Variants in ARMC9 observed in about 807,000 individuals in gnomAD.
ARMC9 encodes the protein lisH domain-containing protein ARMC9.
ARMC9 carries 94 observed loss-of-function variants against 107.0 expected under a neutral mutation model. That is an observed-to-expected ratio of 0.88 (90% CI 0.74 to 1.04). The LOEUF (loss-of-function observed/expected upper bound fraction) is 1.04. Among genes scored for constraint, ARMC9 ranks in the 50% least tolerant of loss-of-function variants. ARMC9 has a pLI of 0.00. For synonymous variants in ARMC9, 380 were observed against 396.9 expected (o/e 0.96, Z 0.51); for missense variants, 942 against 1,030.1 (o/e 0.91, Z 1.17).
At chr2:231,250,750 A>G (rs1349676037) in intron 9 of ARMC9, among the ~76,000 whole-genome samples, 1 of 152,078 alleles carries the variant, frequency 6.6e-6, no homozygotes, top group African/African-American at 2.4e-5. Context: ...CGATTTTTAC[A>G]AAGACCCCTG....
At chr2:231,268,692 G>A (rs994998094) in intron 12 of ARMC9, among the ~76,000 whole-genome samples, 2 of 152,050 alleles carry the variant, frequency 1.3e-5, no homozygotes, top group African/African-American at 4.8e-5. Flanking sequence ...ATAGAATCCT[G>A]GATTGTAAAT....
In ARMC9 at chr2:231,206,190, C is replaced by T; in HGVS notation, c.-41-8C>T. 1 of 1,532,774 alleles carries T rather than the reference C, an allele frequency of 6.5e-7. No individual in the cohort carries two copies. Among genetic ancestry groups the T allele is most frequent in the African/African-American group, 1.4e-5 (1 of 73,120 alleles). 94.9% of individuals were successfully genotyped at this position (1,532,774 alleles called of 1,614,324 possible). ...TGAAAGCTGTTGTCTTGTATTTTTGCCTTCTAGAGATTTTTGCTGTGAGAA... is the reference window on the plus strand; with the variant it reads ...TGAAAGCTGTTGTCTTGTATTTTTGTCTTCTAGAGATTTTTGCTGTGAGAA... On this transcript the variant is annotated splice_polypyrimidine_tract_variant and splice_region_variant and intron_variant, in intron 1 of 24. Coordinates refer to ENST00000611582, the MANE Select transcript of ARMC9 (RefSeq NM_001352754.2).
chr2:231,293,420 TC>T (rs1333833096), intron 18 of ARMC9, among the ~76,000 whole-genome samples: 1 of 152,184 alleles, frequency 6.6e-6, no homozygotes, highest in African/African-American at 2.4e-5. Context: ...CTGAGAATCT[TC>T]TTCAAGGCCA....
At chr2:231,353,871 C>T (rs1489358724) in intron 21 of ARMC9, among the ~76,000 whole-genome samples, 1 of 152,008 alleles carries the variant, frequency 6.6e-6, no homozygotes, top group Non-Finnish European at 1.5e-5. Context: ...GACACCCTGC[C>T]CCCTCCACAC....
intron 1 of ARMC9, 123 bp from the exon 2 acceptor site, chr2:231,206,075 C>A (rs1250834234): frequency 3.0e-6 from 2 of 672,136 alleles, no homozygotes; most frequent in African/African-American, 1.9e-5. Flanking sequence ...CACGTATTCA[C>A]AGGTTCTGGG....
chr2:231,271,014 C>T lies in ARMC9; in HGVS notation c.1152C>T (p.Ser384=), dbSNP rs903191289. The T allele has an allele frequency of 5.0e-6, 8 of 1,614,000 alleles. No individual in the cohort carries two copies. The highest frequency in any genetic ancestry group is 2.7e-5 in the African/African-American group (2 of 74,914). The change falls in exon 13 of 25, where the codon AGC becomes AGT. Residue 384 remains serine, a synonymous_variant. Coordinates refer to ENST00000611582, the MANE Select transcript of ARMC9 (RefSeq NM_001352754.2). ...RSVLQLLHST[S]DVVRQYMARL... is the part of the protein sequence containing the mutation. The stretch of plus-strand genomic sequence containing the variant: ...TGCTTCAGTTGCTGCACTCCACGAG[C>T]GACGTGGTGCGGCAGTACATGGCCA...
At position 231,222,778 on chromosome 2, in the gene ARMC9, A is replaced by C. The variant is rs2034276209; in HGVS notation, c.555A>C (p.Leu185Phe). 1 of 1,596,440 alleles carries C rather than the reference A, an allele frequency of 6.3e-7. No individual in the cohort carries two copies. Among genetic ancestry groups the C allele is most frequent in the Non-Finnish European group, 8.6e-7 (1 of 1,165,646 alleles). Residue 185 changes from leucine to phenylalanine, a missense_variant, in exon 6 of 25, where the codon TTA becomes TTC. By Grantham distance (22) the Leu-to-Phe change is conservative. Transcript: ENST00000611582. ...TGAAGTTGATAAAGTTTCTAGCTTT[A>C]ATATCTAAAGCCAGCAACACGCCAA... Reference protein sequence around the residue: ...LKLKLIKFLALISKASNTPKL... With the variant: ...LKLKLIKFLAFISKASNTPKL...
chr2:231,203,120 C>T (rs1432068050), intron 1 of ARMC9, among the ~76,000 whole-genome samples: 1 of 152,106 alleles, frequency 6.6e-6, no homozygotes, highest in East Asian at 1.9e-4. Context: ...TGTTGACTGT[C>T]GAGCCACCCT....
intron 23 of ARMC9, 87 bp from the exon 24 acceptor site, chr2:231,369,866 T>G: frequency 7.6e-7 from 1 of 1,308,930 alleles, no homozygotes; most frequent in Non-Finnish European, 9.9e-7. Context: ...AGTGCTGGGA[T>G]TATAGGCGGG....
intron 6 of ARMC9, among the ~76,000 whole-genome samples, chr2:231,226,244 G>A (rs1339521278): frequency 1.3e-5 from 2 of 152,302 alleles, no homozygotes; most frequent in Non-Finnish European, 2.9e-5. Context: ...ACAAATTAAG[G>A]GAAAAGAAAC....
At chr2:231,223,852 T>C (rs991696808) in intron 6 of ARMC9, among the ~76,000 whole-genome samples, 4 of 152,240 alleles carry the variant, frequency 2.6e-5, no homozygotes, top group Non-Finnish European at 5.9e-5. Context: ...TTTGCCTACA[T>C]ACCACGATGT....
intron 20 of ARMC9, among the ~76,000 whole-genome samples, chr2:231,343,274 A>G (rs996546204): frequency 6.6e-6 from 1 of 151,550 alleles, no homozygotes; most frequent in Non-Finnish European, 1.5e-5. Context: ...GGGTCCAGTG[A>G]GGCTCACTGA....
intron 7 of ARMC9, among the ~76,000 whole-genome samples, chr2:231,230,874 A>T (rs9973370): frequency 6.6e-6 from 1 of 151,994 alleles, no homozygotes; most frequent in Non-Finnish European, 1.5e-5. Context: ...AATATTTTCA[A>T]CCTGAGGTGG....
chr2:231,306,944 G>T (rs774929337), intron 19 of ARMC9, among the ~76,000 whole-genome samples: 2 of 152,180 alleles, frequency 1.3e-5, no homozygotes, highest in African/African-American at 4.8e-5. Context: ...CCTTAGCACG[G>T]ATGTGGAGCT....
chr2:231,336,268 AT>A (rs1369139786), intron 20 of ARMC9, among the ~76,000 whole-genome samples: 2 of 151,120 alleles, frequency 1.3e-5, no homozygotes, highest in Non-Finnish European at 2.9e-5. Context: ...CAGATCTCAG[AT>A]TAATTCAGTT....
In ARMC9 at chr2:231,358,997, T is replaced by TA. The variant is rs1490974870; in HGVS notation, c.2132-1756dup. On this transcript the variant is annotated intron_variant, in intron 22 of 24. Transcript: ENST00000611582. This position sits in a 1 kb window ranked among gnomAD's most constrained non-coding sequence, Gnocchi z 4.5. Reference sequence around the variant, plus strand: ...CTGAAATGGACCAGCAGGCAAGAGATACTACTGTCCCAGGAAGACCCCGGT... The same window carrying TA: ...CTGAAATGGACCAGCAGGCAAGAGATAACTACTGTCCCAGGAAGACCCCGGT... Among the ~76,000 whole-genome samples the TA allele has an allele frequency of 6.6e-6, 1 of 151,720 alleles. No individual in the cohort carries two copies. The highest frequency in any genetic ancestry group is 2.4e-5 in the African/African-American group (1 of 41,250).
chr2:231,261,216 G>A (rs533750730), intron 11 of ARMC9, among the ~76,000 whole-genome samples: 2 of 152,244 alleles, frequency 1.3e-5, no homozygotes, highest in South Asian at 2.1e-4. Flanking sequence ...TGCTCACTCT[G>A]TTACATGCTT....
intron 7 of ARMC9, among the ~76,000 whole-genome samples, chr2:231,231,750 G>C (rs990086000): frequency 6.8e-6 from 1 of 147,990 alleles, no homozygotes; most frequent in African/African-American, 2.5e-5. Context: ...GTGCAGTGGC[G>C]TGATCTTGGC....
At chr2:231,291,213 C>A in intron 17 of ARMC9, 140 bp from the exon 18 acceptor site, 2 of 637,116 alleles carry the variant, frequency 3.1e-6, no homozygotes, top group Non-Finnish European at 5.6e-6. Flanking sequence ...TATCTGTCTC[C>A]TCTTCTCTGT....
Sources: allele counts gnomAD v4.1 joint callset (sites outside exome capture counted in the v4.1 genomes callset), GRCh38; gene constraint gnomAD v4.1.1; non-coding constraint Gnocchi (gnomAD v3.1); transcripts MANE v1.5; gene names NCBI Gene and HGNC (gene_info 2026-07-23, HGNC 2026-07-21).